Variants in PSTPIP2 observed in about 807,000 individuals in gnomAD.
PSTPIP2 encodes the protein proline-serine-threonine phosphatase interacting protein 2, also known as proline-serine-threonine phosphatase-interacting protein 2.
A neutral mutation model predicts 63.3 loss-of-function variants in PSTPIP2; 33 were observed. The ratio of observed to expected loss-of-function variants is 0.52; its 90% CI spans 0.40 to 0.70. The LOEUF is 0.70. Among genes scored for constraint, PSTPIP2 ranks in the 30% least tolerant of loss-of-function variants. The pLI, the probability that PSTPIP2 is intolerant of heterozygous loss-of-function variation, is 0.00. For synonymous variants in PSTPIP2, 125 were observed against 132.7 expected (o/e 0.94, Z 0.40); for missense variants, 312 against 400.7 (o/e 0.78, Z 1.89).
At chr18:46,007,040 A>G (rs2051736311) in intron 5 of PSTPIP2, among the ~76,000 whole-genome samples, 1 of 152,234 alleles carries the variant, frequency 6.6e-6, no homozygotes, top group Non-Finnish European at 1.5e-5. Context: ...TGATAGCTCT[A>G]TAAAACCAAA....
At chr18:45,988,863 T>A (rs964891247) in intron 13 of PSTPIP2, 104 bp from the exon 14 acceptor site, 11 of 948,478 alleles carry the variant, frequency 1.2e-5, no homozygotes, top group African/African-American at 1.0e-4. Context: ...CTGGTGTCTA[T>A]CCTTTTGTAA....
chr18:46,035,436 A>G (rs76809269), intron 2 of PSTPIP2, among the ~76,000 whole-genome samples: 117,485 of 140,674 alleles, frequency 0.84, 49,796 homozygotes, highest in East Asian at 0.96. Flanking sequence ...AAAAAAAGAA[A>G]AGAGAGAGAG....
chr18:45,986,452 A>G (rs918619235), intron 14 of PSTPIP2, among the ~76,000 whole-genome samples: 3 of 152,244 alleles, frequency 2.0e-5, no homozygotes, highest in East Asian at 1.9e-4. Context: ...CAAACAAGTA[A>G]GAACAGAAAA....
At chr18:46,035,208 A>G (rs1907925080) in intron 2 of PSTPIP2, among the ~76,000 whole-genome samples, 1 of 152,144 alleles carries the variant, frequency 6.6e-6, no homozygotes, top group African/African-American at 2.4e-5. Context: ...GGATCACTTG[A>G]GACCAAGAGT....
chr18:46,072,089 G>A, intron 1 of PSTPIP2, 67 bp downstream of exon 1: 6 of 1,503,180 alleles, frequency 4.0e-6, no homozygotes, highest in Admixed American at 2.2e-5. Flanking sequence ...CCCCACGCCC[G>A]CCGCGTTGGC....
chr18:46,011,414 T>G, intron 4 of PSTPIP2, 127 bp from the exon 5 acceptor site: 1 of 731,086 alleles, frequency 1.4e-6, no homozygotes, highest in Non-Finnish European at 2.2e-6. Flanking sequence ...ATCACTTCAT[T>G]TGGTCACCAA....
chr18:45,997,946 A>C lies in PSTPIP2; in HGVS notation c.563-118T>G, dbSNP rs1379323787. On this transcript the variant is annotated intron_variant, in intron 8 of 14. Coordinates refer to ENST00000409746, the MANE Select transcript of PSTPIP2 (RefSeq NM_024430.4). ...TCATCCGAGTTGTGCTGAGCTTACAAGGCCCCCAGGACTCTGAGCACTGGG... is the reference window on the plus strand; with the variant it reads ...TCATCCGAGTTGTGCTGAGCTTACACGGCCCCCAGGACTCTGAGCACTGGG... 3.7e-6 allele frequency: 3 copies of C among 811,654 alleles called. No individual in the cohort carries two copies. The African/African-American group carries it at 5.1e-5, about 14-fold the overall frequency. The allele number at this position is 811,654 out of a possible 1,614,324, so 50.3% of individuals were successfully genotyped here.
Position 46,072,184 on chromosome 18 carries a change from G to T in PSTPIP2, c.5C>A (p.Thr2Lys). MTRSLFKGNFWS... is the reference protein window; with the variant it reads MKRSLFKGNFWS... Reference sequence around the variant, plus strand: ...AAAGTTTCCCTTGAACAGTGAGCGCGTCATCGCAGCGCGAGTGGGGGCGCG... The same window carrying T: ...AAAGTTTCCCTTGAACAGTGAGCGCTTCATCGCAGCGCGAGTGGGGGCGCG... Residue 2 changes from threonine to lysine, a missense_variant, in exon 1 of 15, where the codon ACG (threonine) becomes AAG (lysine). Transcript: ENST00000409746. 1 of 1,535,744 alleles carries T rather than the reference G, an allele frequency of 6.5e-7. No individual in the cohort carries two copies. The highest frequency in any genetic ancestry group is 8.8e-7 in the Non-Finnish European group (1 of 1,141,278).
At chr18:46,015,632 C>G (rs1408684499) in intron 4 of PSTPIP2, among the ~76,000 whole-genome samples, 1 of 152,178 alleles carries the variant, frequency 6.6e-6, no homozygotes, top group East Asian at 1.9e-4. Context: ...TCTCAGGAAT[C>G]TGTGTCAATA....
intron 1 of PSTPIP2, among the ~76,000 whole-genome samples, chr18:46,047,344 G>T (rs1280561673): frequency 1.3e-5 from 2 of 152,144 alleles, no homozygotes; most frequent in African/African-American, 4.8e-5. Context: ...GGAGGCCAAG[G>T]CGGGCAGATC....
rs1430756049 is a variant in PSTPIP2, at chr18:46,006,474, C to A, written c.355-943G>T. The stretch of plus-strand genomic sequence containing the variant: ...GCAACCTCCGCCTTCTGGTTTCAAG[C>A]GAGTCTCCTGCCTCTCAGCCTCCCA... On this transcript the variant is annotated intron_variant, in intron 5 of 14. Transcript: ENST00000409746. Among the ~76,000 whole-genome samples the A allele has an allele frequency of 2.7e-5, 4 of 147,764 alleles. No individual in the cohort carries two copies. The Admixed American group carries it at 2.8e-4, about 10-fold the overall frequency.
At chr18:46,040,923 C>G in intron 1 of PSTPIP2, 1 of 440,010 alleles carries the variant, frequency 2.3e-6, no homozygotes, top group Non-Finnish European at 4.6e-6. Flanking sequence ...TGGGCGCCCA[C>G]TCCAGCCTTC....
intron 13 of PSTPIP2, chr18:45,990,067 C>G (rs1030704858): frequency 6.6e-6 from 1 of 152,188 alleles, no homozygotes; most frequent in East Asian, 1.9e-4. Context: ...TTAAGTGACA[C>G]GTTTCTTGAC....
rs192048789 is a variant in PSTPIP2 at position 46,048,834 on chromosome 18, T to C, written c.34-8787A>G. Among the ~76,000 whole-genome samples, 7 of 152,296 alleles carry C rather than the reference T, an allele frequency of 4.6e-5. No homozygotes were observed. The East Asian group carries it at 1.3e-3, about 29-fold the overall frequency. On this transcript the variant is annotated intron_variant, in intron 1 of 14. Coordinates refer to ENST00000409746, the MANE Select transcript of PSTPIP2 (RefSeq NM_024430.4). The stretch of plus-strand genomic sequence containing the variant: ...AACAACTGGGGAAATTTGAGTAGGG[T>C]CTATATATTAGCTAATAGCATTATA...
intron 5 of PSTPIP2, among the ~76,000 whole-genome samples, chr18:46,006,019 G>A (rs1041289271): frequency 1.3e-5 from 2 of 152,182 alleles, no homozygotes; most frequent in African/African-American, 4.8e-5. Flanking sequence ...GAATTTGTAA[G>A]ACAACTAAAA....
At chr18:46,072,121 G>T in intron 1 of PSTPIP2, 35 bp downstream of exon 1, 1 of 1,526,436 alleles carries the variant, frequency 6.6e-7, no homozygotes, top group Non-Finnish European at 8.8e-7. Flanking sequence ...GCCGGGTCCT[G>T]AGCCCCGCGA....
intron 1 of PSTPIP2, among the ~76,000 whole-genome samples, chr18:46,040,638 T>G (rs1030032400): frequency 9.2e-5 from 14 of 152,218 alleles, no homozygotes; most frequent in Admixed American, 7.9e-4. Context: ...TGCAAACATT[T>G]GTGTCAGTGT....
At chr18:46,043,525 A>G (rs1439691937) in intron 1 of PSTPIP2, among the ~76,000 whole-genome samples, 1 of 152,248 alleles carries the variant, frequency 6.6e-6, no homozygotes, top group Non-Finnish European at 1.5e-5. Flanking sequence ...GACAAATAGT[A>G]TCTACAAAAA....
At position 45,997,806 on chromosome 18, in the gene PSTPIP2, G is replaced by A. The variant is rs778538162; in HGVS notation, c.585C>T (p.Ile195=). The change falls in exon 9 of 15, where the codon ATC becomes ATT. Residue 195 remains isoleucine, a synonymous_variant. Transcript: ENST00000409746. ...CTTCTCGGACCTTATCCAGGGTGCCGATGTGCAGCATGTATGCTTTGTCTG... is the reference window on the plus strand; with the variant it reads ...CTTCTCGGACCTTATCCAGGGTGCCAATGTGCAGCATGTATGCTTTGTCTG... ...EDSDKAYMLH[I]GTLDKVREEW... 9.4e-6 allele frequency: 15 copies of A among 1,601,298 alleles called. No homozygotes were observed. Among genetic ancestry groups the A allele is most frequent in the East Asian group, 2.3e-5 (1 of 44,280 alleles).
Sources: gnomAD v4.1 joint callset for allele counts (sites outside exome capture counted in the v4.1 genomes callset) on GRCh38, gnomAD v4.1.1 for gene constraint, MANE v1.5 for transcripts, NCBI Gene and HGNC (gene_info 2026-07-23, HGNC 2026-07-21) for gene names.